The following ZFAT variants were observed in gnomAD, a reference collection of about 807,000 sequenced individuals.
The protein encoded by ZFAT is zinc finger protein ZFAT.
A neutral mutation model predicts 117.7 loss-of-function variants in ZFAT; 64 were observed. The observed-to-expected ratio is 0.54, with a 90% confidence interval of 0.44 to 0.67. The LOEUF (loss-of-function observed/expected upper bound fraction) is 0.67. Ranked by LOEUF, ZFAT falls within the 30% of genes least tolerant of loss-of-function variation. The pLI is 0.00. For missense variants in ZFAT, 1,433 were observed against 1,584.5 expected, an observed-to-expected ratio of 0.90 and a Z score of 1.62; for synonymous variants, 679 against 615.0, an observed-to-expected ratio of 1.10 and a Z score of -1.54.
intron 1 of ZFAT, among the ~76,000 whole-genome samples, chr8:134,693,740 G>A (rs988417720): frequency 6.2e-4 from 94 of 152,290 alleles, no homozygotes; most frequent in Non-Finnish European, 7.8e-4. Flanking sequence ...ATCAATGGGT[G>A]CTGAAACTAC....
At chr8:134,746,346 G>A in the ZFAT span, among the ~76,000 whole-genome samples, 1 of 152,144 alleles carries the variant, frequency 6.6e-6, no homozygotes, top group South Asian at 2.1e-4. Flanking sequence ...AAAACAAGAT[G>A]CCCCAAATTG....
intron 3 of ZFAT, among the ~76,000 whole-genome samples, chr8:134,636,567 C>G (rs1174151155): frequency 6.6e-6 from 1 of 152,180 alleles, no homozygotes; most frequent in African/African-American, 2.4e-5. Flanking sequence ...ACCCAGACAG[C>G]CGTAACCCAG....
At chr8:134,576,445 C>A (rs1012975567) in intron 10 of ZFAT, among the ~76,000 whole-genome samples, 9 of 152,138 alleles carry the variant, frequency 5.9e-5, no homozygotes, top group African/African-American at 1.7e-4. Context: ...CACTTCCACA[C>A]CTGCCTCTTC....
chr8:134,819,500 C>G, the ZFAT span, among the ~76,000 whole-genome samples: 42 of 84,236 alleles, frequency 5.0e-4, 1 homozygote, highest in African/African-American at 1.6e-3. Context: ...TTTACCACCC[C>G]CCCCCCCCGC....
intron 2 of ZFAT, among the ~76,000 whole-genome samples, chr8:134,647,881 T>C (rs544270544): frequency 1.3e-5 from 2 of 152,262 alleles, no homozygotes; most frequent in African/African-American, 4.8e-5. Context: ...CCCACATTTA[T>C]GGATCAGAAG....
chr8:134,793,467 AG>A, the ZFAT span: 2 of 152,224 alleles, frequency 1.3e-5, no homozygotes, highest in African/African-American at 4.8e-5. Context: ...TTTTGGCACC[AG>A]GGACAGGTTT....
intron 5 of ZFAT, among the ~76,000 whole-genome samples, chr8:134,603,598 C>A (rs534284941): frequency 6.6e-6 from 1 of 152,340 alleles, no homozygotes; most frequent in East Asian, 1.9e-4. Context: ...TTCTTCACAT[C>A]CTTACTTCTT....
At chr8:134,635,141 C>CA (rs1830128656) in intron 3 of ZFAT, among the ~76,000 whole-genome samples, 2 of 152,178 alleles carry the variant, frequency 1.3e-5, no homozygotes, top group Admixed American at 1.3e-4. Context: ...CCCGTACAAA[C>CA]CTGCGGCCCA....
intron 1 of ZFAT, among the ~76,000 whole-genome samples, chr8:134,700,289 G>A (rs1343467083): frequency 6.6e-6 from 1 of 152,236 alleles, no homozygotes. Flanking sequence ...CAAAGCCAGT[G>A]CTATTTCCCA....
intron 3 of ZFAT, among the ~76,000 whole-genome samples, chr8:134,619,078 T>C (rs527648359): frequency 2.5e-4 from 38 of 152,308 alleles, no homozygotes; most frequent in African/African-American, 7.7e-4. Flanking sequence ...TATGATGAGT[T>C]ACATTCCAAT....
Position 134,478,394 on chromosome 8 carries a change from G to A in ZFAT, c.*88C>T, listed in dbSNP as rs1408311759. On this transcript the variant is annotated 3_prime_UTR_variant, in exon 16 of 16. Coordinates refer to ENST00000377838, the MANE Select transcript of ZFAT (RefSeq NM_020863.4). This position sits in a 1 kb window ranked among gnomAD's most constrained non-coding sequence, Gnocchi z 5.2. Reference sequence around the variant, plus strand: ...AGGGCAAAGGAGAGCACCATTCTGCGGGTAGGGCAGGAAGGGTGGCCTCCC... The same window carrying A: ...AGGGCAAAGGAGAGCACCATTCTGCAGGTAGGGCAGGAAGGGTGGCCTCCC... 9 of 1,486,538 alleles carry A rather than the reference G, an allele frequency of 6.1e-6. No individual in the cohort carries two copies. In the East Asian group the frequency reaches 7.4e-5, roughly 12 times the overall value. The allele number at this position is 1,486,538 out of a possible 1,614,324, so 92.1% of individuals were successfully genotyped here.
At chr8:134,659,740 C>T (rs780038778) in intron 1 of ZFAT, among the ~76,000 whole-genome samples, 2 of 147,956 alleles carry the variant, frequency 1.4e-5, no homozygotes, top group Non-Finnish European at 2.9e-5. Flanking sequence ...CTCCTCTTTA[C>T]AGTAAAACTC....
chr8:134,599,752 T>C (rs1827262282), intron 7 of ZFAT: 4 of 455,948 alleles, frequency 8.8e-6, no homozygotes, highest in South Asian at 6.2e-5. Context: ...GTGCTTCCTT[T>C]ATAACTTGAA....
At chr8:134,778,220 T>C in the ZFAT span, among the ~76,000 whole-genome samples, 1 of 152,252 alleles carries the variant, frequency 6.6e-6, no homozygotes, top group Non-Finnish European at 1.5e-5. Context: ...TTTCTTTTGC[T>C]GTTTAACAAG....
In ZFAT at chr8:134,669,245, C is replaced by T. The variant is rs979712899; in HGVS notation, c.20-11508G>A. Among the ~76,000 whole-genome samples, 5 of 152,144 alleles carry T rather than the reference C, an allele frequency of 3.3e-5. No homozygotes were observed. In the East Asian group the frequency reaches 9.6e-4, roughly 29 times the overall value. Reference sequence around the variant, plus strand: ...GGCCAACATTCAAATTCAGGAAATACAGAGAATGCCACAAAGATACTCCTC... The same window carrying T: ...GGCCAACATTCAAATTCAGGAAATATAGAGAATGCCACAAAGATACTCCTC... On this transcript the variant is annotated intron_variant, in intron 1 of 15. Coordinates refer to ENST00000377838, the MANE Select transcript of ZFAT (RefSeq NM_020863.4).
At chr8:134,722,516 GA>G in the ZFAT span, among the ~76,000 whole-genome samples, 3 of 152,178 alleles carry the variant, frequency 2.0e-5, no homozygotes, top group Non-Finnish European at 4.4e-5. Flanking sequence ...CAGCTGCTTG[GA>G]TCATGAGATG....
intron 2 of ZFAT, among the ~76,000 whole-genome samples, chr8:134,651,718 C>A (rs549034837): frequency 6.6e-6 from 1 of 152,112 alleles, no homozygotes; most frequent in South Asian, 2.1e-4. Flanking sequence ...GAAGCAGAGG[C>A]AATACCAAAA....
intron 11 of ZFAT, among the ~76,000 whole-genome samples, chr8:134,536,904 T>C (rs1202343814): frequency 6.6e-6 from 1 of 152,160 alleles, no homozygotes; most frequent in African/African-American, 2.4e-5. Flanking sequence ...GAATCCAGCC[T>C]AGAGTTGGGA....
chr8:134,761,280 G>A, the ZFAT span, among the ~76,000 whole-genome samples: 3 of 152,124 alleles, frequency 2.0e-5, no homozygotes, highest in Non-Finnish European at 4.4e-5. Flanking sequence ...AAAGGACTGA[G>A]GGTATGATGG....
Sources: gnomAD v4.1 joint callset for allele counts (sites outside exome capture counted in the v4.1 genomes callset) on GRCh38, gnomAD v4.1.1 for gene constraint, Gnocchi (gnomAD v3.1) non-coding constraint, MANE v1.5 for transcripts, NCBI Gene and HGNC (gene_info 2026-07-23, HGNC 2026-07-21) for gene names.